The following SLIT2 variants were observed in gnomAD, a reference collection of about 807,000 sequenced individuals.
SLIT2 encodes slit homolog 2 protein.
Under a neutral mutation model 185.7 loss-of-function variants are expected in SLIT2, and 41 were observed. The observed-to-expected ratio is 0.22, with a 90% CI of 0.17 to 0.29. The LOEUF is 0.29. Ranked by LOEUF, SLIT2 falls within the 10% of genes least tolerant of loss-of-function variation. SLIT2 has a pLI of 1.00. For synonymous variants in SLIT2, 693 were observed against 680.2 expected (o/e 1.02, Z -0.29); for missense variants, 1,571 against 1,909.0 (o/e 0.82, Z 3.30).
chr4:20,557,880 T>C (rs765036398), intron 26 of SLIT2, among the ~76,000 whole-genome samples: 1 of 152,004 alleles, frequency 6.6e-6, no homozygotes, highest in Non-Finnish European at 1.5e-5. Context: ...CCAATCTGCA[T>C]AGATGACTTT....
At chr4:20,374,531 C>T (rs1408782953) in intron 4 of SLIT2, among the ~76,000 whole-genome samples, 1 of 152,050 alleles carries the variant, frequency 6.6e-6, no homozygotes, top group Non-Finnish European at 1.5e-5. Flanking sequence ...TTCCTGCTGA[C>T]CATCTATCTG....
intron 15 of SLIT2, among the ~76,000 whole-genome samples, chr4:20,527,627 C>T (rs1260754233): frequency 6.6e-6 from 1 of 152,200 alleles, no homozygotes; most frequent in Non-Finnish European, 1.5e-5. Context: ...TTAATTTGCA[C>T]TATGCATCTT....
At chr4:20,296,639 G>A (rs956912625) in intron 4 of SLIT2, among the ~76,000 whole-genome samples, 3 of 152,104 alleles carry the variant, frequency 2.0e-5, no homozygotes, top group African/African-American at 4.8e-5. Context: ...AATGCTTGGC[G>A]TCATGGATGT....
chr4:20,356,251 C>T (rs1207052971), intron 4 of SLIT2, among the ~76,000 whole-genome samples: 1 of 152,146 alleles, frequency 6.6e-6, no homozygotes, highest in Non-Finnish European at 1.5e-5. Context: ...CTAGGTGATT[C>T]TATGAAAGGC....
At chr4:20,518,639 C>G (rs1178057549) in intron 11 of SLIT2, among the ~76,000 whole-genome samples, 1 of 83,446 alleles carries the variant, frequency 1.2e-5, no homozygotes, top group Non-Finnish European at 2.1e-5. Context: ...GAGTCTCGCT[C>G]TGTCGCCCAG....
intron 4 of SLIT2, among the ~76,000 whole-genome samples, chr4:20,467,043 AT>A (rs1403457695): frequency 6.6e-6 from 1 of 152,150 alleles, no homozygotes; most frequent in Admixed American, 6.6e-5. Context: ...GAGATGAGCG[AT>A]TTTTACAAAC....
Position 20,254,893 on chromosome 4 carries a change from G to C in SLIT2, c.179+899G>C, listed in dbSNP as rs1183570509. The C allele has an allele frequency of 2.2e-6, 1 of 455,938 alleles. No individual in the cohort carries two copies. The highest frequency in any genetic ancestry group is 4.4e-6 in the Non-Finnish European group (1 of 226,878). The allele number at this position is 455,938 out of a possible 1,614,324, so 28.2% of individuals were successfully genotyped here. On this transcript the variant is annotated intron_variant, in intron 1 of 36. Transcript: ENST00000504154. This position sits in a 1 kb window ranked among gnomAD's most constrained non-coding sequence, Gnocchi z 5.1. Reference sequence around the variant, plus strand: ...TGCCTTCCCCTCTTCGCGCTCCGTTGCTCGCAGACGTCCCCGCCTCCCTGT... The same window carrying C: ...TGCCTTCCCCTCTTCGCGCTCCGTTCCTCGCAGACGTCCCCGCCTCCCTGT...
At chr4:20,537,706 G>A (rs7658163) in intron 18 of SLIT2, among the ~76,000 whole-genome samples, 7,184 of 152,090 alleles carry the variant, frequency 0.047, 393 homozygotes, top group African/African-American at 0.13. Flanking sequence ...CAAACTCAGG[G>A]TAGTTAATCC....
At chr4:20,582,911 A>T (rs1220889367) in intron 29 of SLIT2, among the ~76,000 whole-genome samples, 1 of 152,202 alleles carries the variant, frequency 6.6e-6, no homozygotes, top group East Asian at 1.9e-4. Flanking sequence ...TAAGTGACTG[A>T]TGGGCAGGAG....
Position 20,352,827 on chromosome 4 carries a change from C to G in SLIT2, c.395+83946C>G, listed in dbSNP as rs182157467. 7.5e-3 allele frequency among the ~76,000 whole-genome samples: 1,136 copies of G among 152,170 alleles called. 15 individuals are homozygous for G. Among genetic ancestry groups the G allele is most frequent in the African/African-American group, 0.026 (1,076 of 41,534 alleles). On this transcript the variant is annotated intron_variant, in intron 4 of 36. Coordinates refer to ENST00000504154, the MANE Select transcript of SLIT2 (RefSeq NM_004787.4). Reference sequence around the variant, plus strand: ...ACTCGGGAGGCTGAGGTGGGAGAATCGCTTGAACCTGGGAGGCAGAGGTTG... The same window carrying G: ...ACTCGGGAGGCTGAGGTGGGAGAATGGCTTGAACCTGGGAGGCAGAGGTTG...
At chr4:20,442,521 C>A in intron 4 of SLIT2, among the ~76,000 whole-genome samples, 1 of 77,382 alleles carries the variant, frequency 1.3e-5, no homozygotes. Flanking sequence ...GAGACTCTGT[C>A]TCAAAAAAAA....
chr4:20,576,973 G>A (rs1237297233), intron 29 of SLIT2, among the ~76,000 whole-genome samples: 9 of 148,206 alleles, frequency 6.1e-5, no homozygotes, highest in Middle Eastern at 3.2e-3. Flanking sequence ...TATTTGGAGA[G>A]GTAAGTTTTT....
At chr4:20,292,208 T>C (rs2109084711) in intron 4 of SLIT2, among the ~76,000 whole-genome samples, 1 of 152,308 alleles carries the variant, frequency 6.6e-6, no homozygotes, top group African/African-American at 2.4e-5. Context: ...TCTTCATGTC[T>C]GCTCTGCCTC....
Position 20,441,519 on chromosome 4 carries a change from G to GTCTCTC in SLIT2, c.396-26209_396-26204dup, listed in dbSNP as rs376556054. Among the ~76,000 whole-genome samples the GTCTCTC allele has an allele frequency of 8.6e-3, 924 of 108,006 alleles. 9 individuals carry two copies. The highest frequency in any genetic ancestry group is 0.027 in the African/African-American group (729 of 26,556). 70.9% of individuals were successfully genotyped at this position (108,006 alleles called of 152,430 possible). A position where few individuals can be genotyped will look rare whatever the true frequency, so the allele number is the denominator to read the frequency against. On this transcript the variant is annotated intron_variant, in intron 4 of 36. Coordinates refer to ENST00000504154, the MANE Select transcript of SLIT2 (RefSeq NM_004787.4). ...CTCTCTCTCGCCCCCCCCCACTTCT[G>GTCTCTC]TCTCTCTCTCTCTCTCTCTCTCTCT...
intron 9 of SLIT2, among the ~76,000 whole-genome samples, chr4:20,506,294 C>T (rs1037370182): frequency 1.3e-5 from 2 of 151,972 alleles, no homozygotes; most frequent in Non-Finnish European, 2.9e-5. Context: ...GAAGGACTGA[C>T]ATTTGAAAAT....
At chr4:20,560,975 G>A (rs1028908960) in intron 26 of SLIT2, among the ~76,000 whole-genome samples, 3 of 151,814 alleles carry the variant, frequency 2.0e-5, no homozygotes, top group Admixed American at 6.6e-5. Flanking sequence ...CTAAAAAATG[G>A]TATGGAAGTC....
chr4:20,383,684 T>C (rs1724713481), intron 4 of SLIT2, among the ~76,000 whole-genome samples: 1 of 152,078 alleles, frequency 6.6e-6, no homozygotes. Context: ...AAACATATAC[T>C]TCCTATATGA....
intron 4 of SLIT2, among the ~76,000 whole-genome samples, 174 bp from the exon 5 acceptor site, chr4:20,467,578 A>G (rs1436643713): frequency 6.8e-6 from 1 of 147,620 alleles, no homozygotes; most frequent in Non-Finnish European, 1.5e-5. Context: ...AATTTATATT[A>G]GAAATATAAA....
In SLIT2 at chr4:20,473,956, A is replaced by G. The variant is rs75501702; in HGVS notation, c.467+6133A>G. On this transcript the variant is annotated intron_variant, in intron 5 of 36. Coordinates refer to ENST00000504154, the MANE Select transcript of SLIT2 (RefSeq NM_004787.4). ...GTTCATTGGATTTTATTTCAAATCC[A>G]TTGATATCAGATTGCAGCTGTACAT... Among the ~76,000 whole-genome samples, 743 of 152,132 alleles carry G rather than the reference A, an allele frequency of 4.9e-3. 11 individuals are homozygous for G. Among genetic ancestry groups the G allele is most frequent in the African/African-American group, 0.017 (691 of 41,524 alleles).
Sources: allele counts gnomAD v4.1 joint callset (sites outside exome capture counted in the v4.1 genomes callset), GRCh38; gene constraint gnomAD v4.1.1; non-coding constraint Gnocchi (gnomAD v3.1); transcripts MANE v1.5; gene names NCBI Gene and HGNC (gene_info 2026-07-23, HGNC 2026-07-21).